Variants in NLRP10 observed in about 807,000 individuals in gnomAD.
NLRP10 encodes the protein NACHT, LRR and PYD domains-containing protein 10.
Under a neutral mutation model 8.2 loss-of-function variants are expected in NLRP10, and 7 were observed. The observed-to-expected ratio is 0.85, with a 90% CI of 0.48 to 1.60. NLRP10 has a LOEUF of 1.60. Ranked by LOEUF, NLRP10 falls within the 40% of genes most tolerant of loss-of-function variation. The pLI is 0.00. For missense variants in NLRP10, 814 were observed against 776.3 expected (o/e 1.05, Z -0.58); for synonymous variants, 338 against 314.0 (o/e 1.08, Z -0.81).
intron 2 of NLRP10, among the ~76,000 whole-genome samples, chr11:7,962,162 T>C (rs1941741994): frequency 6.6e-6 from 1 of 150,864 alleles, no homozygotes; most frequent in Non-Finnish European, 1.5e-5. Flanking sequence ...TAAACCTCTT[T>C]TCTTTATAAA....
rs1180382228 is a variant in NLRP10, at chr11:7,963,359, C to T, written c.137G>A (p.Arg46Lys). Reference sequence around the variant, plus strand: ...CGGAATCAGGCCCTCCAACTCCCCTCTGGCCAGTGGGGGCTGGCCCTCAGA... The same window carrying T: ...CGGAATCAGGCCCTCCAACTCCCCTTTGGCCAGTGGGGGCTGGCCCTCAGA... ...TLSEGQPPLARGELEGLIPVD... is the reference protein window; with the variant it reads ...TLSEGQPPLAKGELEGLIPVD... Residue 46 changes from arginine to lysine, a missense_variant, in exon 2 of 3, where the codon AGA becomes AAA. Physicochemically the swap from Arg to Lys is conservative, Grantham distance 26. Transcript: ENST00000691676. 31 of 1,614,124 alleles carry T rather than the reference C, an allele frequency of 1.9e-5. No individual in the cohort carries two copies. Among genetic ancestry groups the T allele is most frequent in the Non-Finnish European group, 2.6e-5 (31 of 1,180,042 alleles).
Position 7,961,117 on chromosome 11 carries a change from G to A in NLRP10, c.495C>T (p.Ala165=), listed in dbSNP as rs1362769822. 6 of 1,613,948 alleles carry A rather than the reference G, an allele frequency of 3.7e-6. No individual in the cohort carries two copies. The highest frequency in any genetic ancestry group is 2.2e-5 in the East Asian group (1 of 44,882). ...ACCCCTGTAGCACAACTAAGGATGG[G>A]GCCAGTGAGGGCTTTTCCCCTGAAT... ...LFDSGEKPSL[A]PSLVVLQGSA... Residue 165 remains alanine, a synonymous_variant, in exon 3 of 3, where the codon GCC becomes GCT. Coordinates refer to ENST00000691676, the MANE Select transcript of NLRP10 (RefSeq NM_001391958.1).
In NLRP10 at chr11:7,959,298, A is replaced by G. The variant is rs932341721; in HGVS notation, c.*346T>C. ...CTGATTTCTCTATTATTTTAACAATACCATACTGTCTTGATTACTGTAGCT... is the reference window on the plus strand; with the variant it reads ...CTGATTTCTCTATTATTTTAACAATGCCATACTGTCTTGATTACTGTAGCT... On this transcript the variant is annotated 3_prime_UTR_variant, in exon 3 of 3. Coordinates refer to ENST00000691676, the MANE Select transcript of NLRP10 (RefSeq NM_001391958.1). 2 of 186,816 alleles carry G rather than the reference A, an allele frequency of 1.1e-5. No individual in the cohort carries two copies. Among genetic ancestry groups the G allele is most frequent in the African/African-American group, 4.7e-5 (2 of 42,656 alleles). The allele number at this position is 186,816 out of a possible 1,614,324, so 11.6% of individuals were successfully genotyped here.
In NLRP10 at chr11:7,961,059, T is replaced by G; in HGVS notation, c.553A>C (p.Lys185Gln). The change falls in exon 3 of 3, where the codon AAA (lysine) becomes CAA (glutamine). Residue 185 changes from lysine to glutamine, a missense_variant. Lys to Gln is a moderately conservative substitution (Grantham distance 53). Coordinates refer to ENST00000691676, the MANE Select transcript of NLRP10 (RefSeq NM_001391958.1). ...AGTGKTTLAR[K>Q]MVLDWATGTL... is the part of the protein sequence containing the mutation. ...CCGGTGGCCCAGTCCAACACCATTT[T>G]TCTGGCGAGAGTTGTCTTTCCAGTG... 1 of 1,614,182 alleles carries G rather than the reference T, an allele frequency of 6.2e-7. No homozygotes were observed. Among genetic ancestry groups the G allele is most frequent in the Non-Finnish European group, 8.5e-7 (1 of 1,180,028 alleles).
Position 7,959,895 on chromosome 11 carries a change from T to C in NLRP10, c.1717A>G (p.Lys573Glu). 1 of 1,613,926 alleles carries C rather than the reference T, an allele frequency of 6.2e-7. No homozygotes were observed. Among genetic ancestry groups the C allele is most frequent in the Non-Finnish European group, 8.5e-7 (1 of 1,179,794 alleles). ...LEFSLYEAKI[K>E]NLVKGIQMNN... ...ATCTGAATACCTTTTACCAGATTCT[T>C]TATTTTAGCTTCATACAGGGAGAAT... Residue 573 changes from lysine to glutamate, a missense_variant, in exon 3 of 3, where the codon AAG becomes GAG. Transcript: ENST00000691676.
In NLRP10 at chr11:7,959,886, C is replaced by T; in HGVS notation, c.1726G>A (p.Val576Ile). ...ACATTGTTCATCTGAATACCTTTTA[C>T]CAGATTCTTTATTTTAGCTTCATAC... ...SLYEAKIKNL[V>I]KGIQMNNVSF... Residue 576 changes from valine to isoleucine, a missense_variant, in exon 3 of 3, where the codon GTA (valine) becomes ATA (isoleucine). Coordinates refer to ENST00000691676, the MANE Select transcript of NLRP10 (RefSeq NM_001391958.1). The T allele has an allele frequency of 6.2e-7, 1 of 1,613,564 alleles. No homozygotes were observed. The highest frequency in any genetic ancestry group is 8.5e-7 in the Non-Finnish European group (1 of 1,179,500).
At position 7,963,235 on chromosome 11, in the gene NLRP10, C is replaced by T. The variant is rs370765920; in HGVS notation, c.261G>A (p.Val87=). ...GCAGACAAATATGGCTGAGCTGGTC[C>T]ACAAGTTCCAACAGGTTCATGACCT... ...GLKVMNLLEL[V]DQLSHICLHD... The change falls in exon 2 of 3, where the codon GTG becomes GTA. Residue 87 remains valine (V), a synonymous_variant. Transcript: ENST00000691676. 9 of 1,614,206 alleles carry T rather than the reference C, an allele frequency of 5.6e-6. No homozygotes were observed. In the African/African-American group the frequency reaches 8.0e-5, roughly 14 times the overall value.
rs1258157235 is a variant in NLRP10, at chr11:7,963,766, G to C, written c.-45-226C>G. ...GGCAAATGGGTAGGAAGGTATGTAG[G>C]TGTGTTAATCTCTCAATCTCTCTCT... On this transcript the variant is annotated intron_variant, in intron 1 of 2. Coordinates refer to ENST00000691676, the MANE Select transcript of NLRP10 (RefSeq NM_001391958.1). 1.8e-5 allele frequency: 9 copies of C among 508,978 alleles called. No homozygotes were observed. The East Asian group carries it at 2.8e-4, about 16-fold the overall frequency. 31.5% of individuals were successfully genotyped at this position (508,978 alleles called of 1,614,324 possible). A position where few individuals can be genotyped will look rare whatever the true frequency, so the allele number is the denominator to read the frequency against.
intron 1 of NLRP10, 160 bp from the exon 2 acceptor site, chr11:7,963,700 A>G: frequency 1.7e-6 from 1 of 581,818 alleles, no homozygotes; most frequent in East Asian, 2.8e-5. Flanking sequence ...TTTCCTAGTC[A>G]TTCCCCTCTG....
In NLRP10 at chr11:7,962,240, T is replaced by C. The variant is rs1002284090; in HGVS notation, c.290-918A>G. On this transcript the variant is annotated intron_variant, in intron 2 of 2. Coordinates refer to ENST00000691676, the MANE Select transcript of NLRP10 (RefSeq NM_001391958.1). The stretch of plus-strand genomic sequence containing the variant: ...CTAAGATAAGCCTGTTCTTTTTTTT[T>C]TTTTTTTTTTTTTGAGATGGAGTTT... Among the ~76,000 whole-genome samples, 12 of 112,854 alleles carry C rather than the reference T, an allele frequency of 1.1e-4. 1 individual carries two copies. The highest frequency in any genetic ancestry group is 4.7e-4 in the Admixed American group (5 of 10,672). 74.0% of individuals were successfully genotyped at this position (112,854 alleles called of 152,430 possible).
chr11:7,960,728 A>C lies in NLRP10; in HGVS notation c.884T>G (p.Leu295Arg), dbSNP rs759450950. ...TCSLLITTRP[L>R]ALRNLEPLLK... ...CAAGGGCTCCAGATTCCTCAAAGCC[A>C]GGGGCCGGGTGGTGATGAGAAGGGA... Residue 295 changes from leucine (L) to arginine (R), a missense_variant, in exon 3 of 3, where the codon CTG becomes CGG. Coordinates refer to ENST00000691676, the MANE Select transcript of NLRP10 (RefSeq NM_001391958.1). 1 of 1,614,140 alleles carries C rather than the reference A, an allele frequency of 6.2e-7. No homozygotes were observed. Among genetic ancestry groups the C allele is most frequent in the Admixed American group, 1.7e-5 (1 of 60,026 alleles).
rs774763319 is a variant in NLRP10, at chr11:7,961,158, C to T, written c.454G>A (p.Val152Met). The change falls in exon 3 of 3, where the codon GTG becomes ATG. Residue 152 changes from valine (V) to methionine (M), a missense_variant. Physicochemically the swap from Val to Met is conservative, Grantham distance 21 (BLOSUM62 1). Coordinates refer to ENST00000691676, the MANE Select transcript of NLRP10 (RefSeq NM_001391958.1). ...FPEQELESVT[V>M]EALFDSGEKP... ...TCCCCTGAATCAAATAGAGCCTCCA[C>T]CGTGACAGACTCCAGCTCCTGCTCC... is the stretch of plus-strand genomic sequence containing the variant. The T allele has an allele frequency of 2.5e-6, 4 of 1,613,936 alleles. No homozygotes were observed. In the African/African-American group the frequency reaches 5.3e-5, roughly 22 times the overall value.
chr11:7,961,976 G>A (rs540252843), intron 2 of NLRP10, among the ~76,000 whole-genome samples: 1 of 133,406 alleles, frequency 7.5e-6, no homozygotes, highest in South Asian at 2.5e-4. Flanking sequence ...AGCTACACAA[G>A]AGCTGGTTGT....
rs767268517 is a variant in NLRP10, at chr11:7,961,326, A to C, written c.290-4T>G. ...TCTCGGTATACTTCTCTGTAATCTG[A>C]GCCAAACAAATGGGATGTTAGGTAG... is the stretch of plus-strand genomic sequence containing the variant. On this transcript the variant is annotated splice_region_variant and splice_polypyrimidine_tract_variant and intron_variant, in intron 2 of 2. Coordinates refer to ENST00000691676, the MANE Select transcript of NLRP10 (RefSeq NM_001391958.1). 4 of 1,534,946 alleles carry C rather than the reference A, an allele frequency of 2.6e-6. No individual in the cohort carries two copies. Among genetic ancestry groups the C allele is most frequent in the Non-Finnish European group, 3.5e-6 (4 of 1,137,636 alleles).
In NLRP10 at chr11:7,960,050, G is replaced by A. The variant is rs755155590; in HGVS notation, c.1562C>T (p.Ser521Leu). The A allele has an allele frequency of 1.2e-5, 19 of 1,613,736 alleles. No homozygotes were observed. Among genetic ancestry groups the A allele is most frequent in the Non-Finnish European group, 1.6e-5 (19 of 1,179,940 alleles). ...CAAGTTCGAGAAGCTGTCTTTTTTC[G>A]AGATGTCCAGTAAAAACTGCATAGT... is the stretch of plus-strand genomic sequence containing the variant. ...TLTMQFLLDI[S>L]KKDSFSNLEL... The change falls in exon 3 of 3, where the codon TCG (serine) becomes TTG (leucine). Residue 521 changes from serine to leucine, a missense_variant. Ser to Leu is a moderately radical substitution (Grantham distance 145). Coordinates refer to ENST00000691676, the MANE Select transcript of NLRP10 (RefSeq NM_001391958.1).
At position 7,960,016 on chromosome 11, in the gene NLRP10, C is replaced by A. The variant is rs765030545; in HGVS notation, c.1596G>T (p.Lys532Asn). The A allele has an allele frequency of 6.2e-6, 10 of 1,614,102 alleles. No individual in the cohort carries two copies. The highest frequency in any genetic ancestry group is 8.5e-6 in the Non-Finnish European group (10 of 1,180,000). ...AACAGGGAGAAATTCTGAAGCAGAACTTGAGCTCCAAGTTCGAGAAGCTGT... is the reference window on the plus strand; with the variant it reads ...AACAGGGAGAAATTCTGAAGCAGAAATTGAGCTCCAAGTTCGAGAAGCTGT... Reference protein sequence around the residue: ...KKDSFSNLELKFCFRISPCLA... With the variant: ...KKDSFSNLELNFCFRISPCLA... The change falls in exon 3 of 3, where the codon AAG becomes AAT. Residue 532 changes from lysine to asparagine, a missense_variant. By Grantham distance (94) the Lys-to-Asn change is moderately conservative. Transcript: ENST00000691676.
At position 7,963,361 on chromosome 11, in the gene NLRP10, G is replaced by A; in HGVS notation, c.135C>T (p.Ala45=). ...MTLSEGQPPL[A]RGELEGLIPV... ...GAATCAGGCCCTCCAACTCCCCTCT[G>A]GCCAGTGGGGGCTGGCCCTCAGACA... is the stretch of plus-strand genomic sequence containing the variant. Residue 45 remains alanine (A), a synonymous_variant, in exon 2 of 3, where the codon GCC becomes GCT. Transcript: ENST00000691676. 3.1e-6 allele frequency: 5 copies of A among 1,614,176 alleles called. No individual in the cohort carries two copies. The highest frequency in any genetic ancestry group is 2.5e-6 in the Non-Finnish European group (3 of 1,180,034).
chr11:7,962,998 TTAAA>T (rs1646378007), intron 2 of NLRP10, among the ~76,000 whole-genome samples: 1 of 152,242 alleles, frequency 6.6e-6, no homozygotes, highest in Admixed American at 6.5e-5. Flanking sequence ...TAGTCTTTTC[TTAAA>T]TAAATCCCAG....
chr11:7,963,165 C>T lies in NLRP10; in HGVS notation c.289+42G>A, dbSNP rs781258073. 6.3e-6 allele frequency: 10 copies of T among 1,581,520 alleles called. No homozygotes were observed. In the South Asian group the frequency reaches 7.0e-5, roughly 11 times the overall value. On this transcript the variant is annotated intron_variant, in intron 2 of 2. Coordinates refer to ENST00000691676, the MANE Select transcript of NLRP10 (RefSeq NM_001391958.1). ...GAAATGCCATGGTGGGAGGGGAGTC[C>T]CAGTGCCATCCTGCCCTCCCCTTCC...
Sources: gnomAD v4.1 joint callset for allele counts (sites outside exome capture counted in the v4.1 genomes callset) on GRCh38, gnomAD v4.1.1 for gene constraint, MANE v1.5 for transcripts, NCBI Gene and HGNC (gene_info 2026-07-23, HGNC 2026-07-21) for gene names.